The following RNF224 variants were observed in gnomAD, a reference collection of about 807,000 sequenced individuals.
RNF224 encodes the protein ring finger protein 224.
Under a neutral mutation model 2.9 loss-of-function variants are expected in RNF224, and 1 was observed. That is an observed-to-expected ratio of 0.35 (90% CI 0.12 to 1.66). The LOEUF is 1.66. Among genes scored for constraint, RNF224 ranks in the 40% most tolerant of loss-of-function variants. The pLI is 0.35. For synonymous variants in RNF224, 116 were observed against 97.6 expected (o/e 1.19, Z -1.11); for missense variants, 254 against 221.8 (o/e 1.15, Z -0.92).
chr9:137,228,957 C>G lies in RNF224; in HGVS notation c.342C>G (p.Ser114Arg). The G allele has an allele frequency of 6.5e-7, 1 of 1,535,716 alleles. No individual in the cohort carries two copies. The highest frequency in any genetic ancestry group is 2.4e-5 in the East Asian group (1 of 40,914). Residue 114 changes from serine (S) to arginine (R), a missense_variant, in exon 3 of 3, where the codon AGC becomes AGG. Transcript: ENST00000445101. ...TGCCCCTCACCTCCCTCAAAGGCAG[C>G]GCCATCACTCGGCAGCCAGCTGGGC... ...EPLPLTSLKG[S>R]AITRQPAGLC...
At position 137,228,609 on chromosome 9, in the gene RNF224, T is replaced by C. The variant is rs1489971862; in HGVS notation, c.7-13T>C. 15 of 1,433,200 alleles carry C rather than the reference T, an allele frequency of 1.0e-5. No individual in the cohort carries two copies. Among genetic ancestry groups the C allele is most frequent in the African/African-American group, 7.2e-5 (5 of 69,678 alleles). The allele number at this position is 1,433,200 out of a possible 1,614,324, so 88.8% of individuals were successfully genotyped here. ...TCGAGGCAGGCTGTCCACCGCTGGCTTCCCTCTGGCAGGATGCTGCAGCCG... is the reference window on the plus strand; with the variant it reads ...TCGAGGCAGGCTGTCCACCGCTGGCCTCCCTCTGGCAGGATGCTGCAGCCG... On this transcript the variant is annotated splice_polypyrimidine_tract_variant and intron_variant, in intron 2 of 2. Transcript: ENST00000445101.
chr9:137,228,503 G>A (rs948104297), intron 2 of RNF224, 119 bp from the exon 3 acceptor site: 16 of 1,081,664 alleles, frequency 1.5e-5, no homozygotes, highest in Middle Eastern at 2.8e-4. Flanking sequence ...TCCCAGGTCT[G>A]CACGCACCAC....
Position 137,228,999 on chromosome 9 carries a change from A to ACCCCAGCCCCACTTC in RNF224, c.394_408dup (p.His132_Pro136dup). On this transcript the variant is annotated inframe_insertion, in exon 3 of 3. Transcript: ENST00000445101. Reference sequence around the variant, plus strand: ...CAGCTGGGCTGTGCCCTGCCCTGGGACCCCAGCCCCACTTCCCCCAGCCCA... The same window carrying ACCCCAGCCCCACTTC: ...CAGCTGGGCTGTGCCCTGCCCTGGGACCCCAGCCCCACTTCCCCCAGCCCCACTTCCCCCAGCCCA... The ACCCCAGCCCCACTTC allele has an allele frequency of 6.5e-7, 1 of 1,535,090 alleles. No homozygotes were observed. Among genetic ancestry groups the ACCCCAGCCCCACTTC allele is most frequent in the Non-Finnish European group, 8.7e-7 (1 of 1,146,468 alleles).
rs1190236365 is a variant in RNF224 at position 137,228,305 on chromosome 9, C to T, written c.-31C>T. 4.6e-5 allele frequency: 71 copies of T among 1,528,448 alleles called. No individual in the cohort carries two copies. Among genetic ancestry groups the T allele is most frequent in the Middle Eastern group, 1.7e-4 (1 of 5,986 alleles). 94.7% of individuals were successfully genotyped at this position (1,528,448 alleles called of 1,614,324 possible). A position where few individuals can be genotyped will look rare whatever the true frequency, so the allele number is the denominator to read the frequency against. On this transcript the variant is annotated 5_prime_UTR_variant, in exon 2 of 3. Coordinates refer to ENST00000445101, the MANE Select transcript of RNF224 (RefSeq NM_001190228.2). ...CCCCCACTCCCTTCTCCGGCCACCC[C>T]GTGGCTGTGCATAGCTGCCCAGCAG...
chr9:137,228,023 A>T, intron 1 of RNF224, 129 bp from the exon 2 acceptor site: 1 of 397,734 alleles, frequency 2.5e-6, no homozygotes, highest in Non-Finnish European at 4.5e-6. Flanking sequence ...GAGAAGCCCT[A>T]AGAGTGGGGA....
Position 137,228,193 on chromosome 9 carries a change from C to A in RNF224, c.-143C>A. 1.4e-6 allele frequency: 1 copy of A among 736,644 alleles called. No individual in the cohort carries two copies. Among genetic ancestry groups the A allele is most frequent in the Non-Finnish European group, 2.2e-6 (1 of 458,116 alleles). The allele number at this position is 736,644 out of a possible 1,614,324, so 45.6% of individuals were successfully genotyped here. On this transcript the variant is annotated 5_prime_UTR_variant, in exon 2 of 3. Coordinates refer to ENST00000445101, the MANE Select transcript of RNF224 (RefSeq NM_001190228.2). ...TTGTGGCTGAAACGGGAGCCCACGC[C>A]CGCCACAGCTGGCCACCTGCCTCTC...
Position 137,229,020 on chromosome 9 carries a change from G to A in RNF224, c.405G>A (p.Gln135=), listed in dbSNP as rs1256110146. ...PALGPQPHFP[Q]PRYCCWGCGS... ...TGGGACCCCAGCCCCACTTCCCCCA[G>A]CCCAGATACTGCTGCTGGGGCTGTG... The change falls in exon 3 of 3, where the codon CAG becomes CAA. Residue 135 remains glutamine (Q), a synonymous_variant. Coordinates refer to ENST00000445101, the MANE Select transcript of RNF224 (RefSeq NM_001190228.2). 5 of 1,535,306 alleles carry A rather than the reference G, an allele frequency of 3.3e-6. No individual in the cohort carries two copies. Among genetic ancestry groups the A allele is most frequent in the East Asian group, 2.4e-5 (1 of 40,926 alleles).
At chr9:137,227,981 GT>G in intron 1 of RNF224, 120 bp downstream of exon 1, 1 of 285,432 alleles carries the variant, frequency 3.5e-6, no homozygotes, top group East Asian at 7.1e-5. Context: ...GGTGAGGGAG[GT>G]TTTGAGTGTG....
At chr9:137,228,363 C>T (rs1021397928) in intron 2 of RNF224, 22 bp downstream of exon 2, 43 of 1,463,150 alleles carry the variant, frequency 2.9e-5, no homozygotes, top group African/African-American at 1.9e-4. Flanking sequence ...GGGCTCAGGT[C>T]GGCCAGGAGG....
rs1353264125 is a variant in RNF224 at position 137,228,232 on chromosome 9, G to A, written c.-104G>A. The A allele has an allele frequency of 5.9e-6, 7 of 1,186,956 alleles. No individual in the cohort carries two copies. Among genetic ancestry groups the A allele is most frequent in the African/African-American group, 4.6e-5 (3 of 64,906 alleles). 73.5% of individuals were successfully genotyped at this position (1,186,956 alleles called of 1,614,324 possible). A position where few individuals can be genotyped will look rare whatever the true frequency, so the allele number is the denominator to read the frequency against. ...CACCTGCCTCTCTCCTGACTCCCGT[G>A]CAAGGCCAGTAATGCAACCCAGGAG... On this transcript the variant is annotated 5_prime_UTR_variant, in exon 2 of 3. Transcript: ENST00000445101.
Position 137,228,229 on chromosome 9 carries a change from C to G in RNF224, c.-107C>G. ...GGCCACCTGCCTCTCTCCTGACTCC[C>G]GTGCAAGGCCAGTAATGCAACCCAG... On this transcript the variant is annotated 5_prime_UTR_variant, in exon 2 of 3. Coordinates refer to ENST00000445101, the MANE Select transcript of RNF224 (RefSeq NM_001190228.2). The G allele has an allele frequency of 1.8e-6, 2 of 1,140,130 alleles. No homozygotes were observed. Among genetic ancestry groups the G allele is most frequent in the East Asian group, 5.4e-5 (2 of 36,946 alleles). 70.6% of individuals were successfully genotyped at this position (1,140,130 alleles called of 1,614,324 possible).
rs1025933143 is a variant in RNF224 at position 137,228,358 on chromosome 9, C to G, written c.6+17C>G. On this transcript the variant is annotated intron_variant, in intron 2 of 2. Transcript: ENST00000445101. ...CCCATGCAGGTAAGAGGCCTGGGCT[C>G]AGGTCGGCCAGGAGGGTGGGGGCCT... The G allele has an allele frequency of 8.8e-6, 13 of 1,469,626 alleles. No homozygotes were observed. The Admixed American group carries it at 1.9e-4, about 22-fold the overall frequency. The allele number at this position is 1,469,626 out of a possible 1,614,324, so 91.0% of individuals were successfully genotyped here. A position where few individuals can be genotyped will look rare whatever the true frequency, so the allele number is the denominator to read the frequency against.
chr9:137,229,064 C>A lies in RNF224; in HGVS notation c.449C>A (p.Pro150His), dbSNP rs116391417. Reference protein sequence around the residue: ...CWGCGSLCCPPLGSPEV With the variant: ...CWGCGSLCCPHLGSPEV The stretch of plus-strand genomic sequence containing the variant: ...GGCTGTGGCAGCCTCTGCTGCCCAC[C>A]CCTAGGCAGCCCCGAGGTCTGAACT... Residue 150 changes from proline (P) to histidine (H), a missense_variant, in exon 3 of 3, where the codon CCC becomes CAC. Coordinates refer to ENST00000445101, the MANE Select transcript of RNF224 (RefSeq NM_001190228.2). 4.4e-4 allele frequency: 665 copies of A among 1,527,980 alleles called. 6 individuals carry two copies. The African/African-American group carries it at 8.5e-3, about 20-fold the overall frequency. The allele number at this position is 1,527,980 out of a possible 1,614,324, so 94.7% of individuals were successfully genotyped here. A position where few individuals can be genotyped will look rare whatever the true frequency, so the allele number is the denominator to read the frequency against.
rs1053915274 is a variant in RNF224, at chr9:137,228,132, C to T, written c.-184-20C>T. 2 of 567,948 alleles carry T rather than the reference C, an allele frequency of 3.5e-6. No individual in the cohort carries two copies. The highest frequency in any genetic ancestry group is 6.2e-6 in the Non-Finnish European group (2 of 320,166). 35.2% of individuals were successfully genotyped at this position (567,948 alleles called of 1,614,324 possible). Reference sequence around the variant, plus strand: ...GGGGCGGGGGGCACCTTATCTCTTGCAAGTGGGTGGTGCCGTTAGATCTAG... The same window carrying T: ...GGGGCGGGGGGCACCTTATCTCTTGTAAGTGGGTGGTGCCGTTAGATCTAG... On this transcript the variant is annotated intron_variant, in intron 1 of 2. Transcript: ENST00000445101.
At position 137,228,779 on chromosome 9, in the gene RNF224, T is replaced by C; in HGVS notation, c.164T>C (p.Leu55Pro). 6.5e-7 allele frequency: 1 copy of C among 1,533,236 alleles called. No individual in the cohort carries two copies. Among genetic ancestry groups the C allele is most frequent in the East Asian group, 2.5e-5 (1 of 40,808 alleles). 95.0% of individuals were successfully genotyped at this position (1,533,236 alleles called of 1,614,324 possible). A position where few individuals can be genotyped will look rare whatever the true frequency, so the allele number is the denominator to read the frequency against. Residue 55 changes from leucine (L) to proline (P), a missense_variant, in exon 3 of 3, where the codon CTG becomes CCG. By Grantham distance (98) the Leu-to-Pro change is moderately conservative. Transcript: ENST00000445101. The stretch of plus-strand genomic sequence containing the variant: ...TTCTGCCAGGCGTGTGTGCGGCGGC[T>C]GGACACACCGGCGCCCGAGCAGCGC... ...HTFCQACVRR[L>P]DTPAPEQRWI... is the part of the protein sequence containing the mutation.
In RNF224 at chr9:137,228,318, A is replaced by G. The variant is rs1335486491; in HGVS notation, c.-18A>G. The G allele has an allele frequency of 6.6e-7, 1 of 1,524,906 alleles. No homozygotes were observed. The highest frequency in any genetic ancestry group is 8.8e-7 in the Non-Finnish European group (1 of 1,141,992). 94.5% of individuals were successfully genotyped at this position (1,524,906 alleles called of 1,614,324 possible). A position where few individuals can be genotyped will look rare whatever the true frequency, so the allele number is the denominator to read the frequency against. The stretch of plus-strand genomic sequence containing the variant: ...CTCCGGCCACCCCGTGGCTGTGCAT[A>G]GCTGCCCAGCAGAGCCCATGCAGGT... On this transcript the variant is annotated 5_prime_UTR_variant, in exon 2 of 3. It adds an upstream start codon to the 5' untranslated region. Coordinates refer to ENST00000445101, the MANE Select transcript of RNF224 (RefSeq NM_001190228.2).
At chr9:137,228,035 A>C in intron 1 of RNF224, 117 bp from the exon 2 acceptor site, 6 of 404,968 alleles carry the variant, frequency 1.5e-5, no homozygotes, top group Non-Finnish European at 2.2e-5. Flanking sequence ...GAGTGGGGAA[A>C]TGGACCCCAA....
chr9:137,228,903 T>G lies in RNF224; in HGVS notation c.288T>G (p.Ala96=). 6.5e-7 allele frequency: 1 copy of G among 1,535,730 alleles called. No individual in the cohort carries two copies. Among genetic ancestry groups the G allele is most frequent in the Non-Finnish European group, 8.7e-7 (1 of 1,146,812 alleles). The change falls in exon 3 of 3, where the codon GCT becomes GCG. Residue 96 remains alanine (A), a synonymous_variant. Transcript: ENST00000445101. ...TGGCTGCTTTCCTGGCGGTCAAGGCTGAGCGGGAGCCGGCAAGACTAGAAC... is the reference window on the plus strand; with the variant it reads ...TGGCTGCTTTCCTGGCGGTCAAGGCGGAGCGGGAGCCGGCAAGACTAGAAC... ...LDLAAFLAVK[A]EREPARLEPL... is the part of the protein sequence containing the mutation.
chr9:137,228,815 G>C lies in RNF224; in HGVS notation c.200G>C (p.Cys67Ser). The C allele has an allele frequency of 6.5e-7, 1 of 1,529,322 alleles. No homozygotes were observed. The highest frequency in any genetic ancestry group is 2.4e-5 in the East Asian group (1 of 40,902). The allele number at this position is 1,529,322 out of a possible 1,614,324, so 94.7% of individuals were successfully genotyped here. The change falls in exon 3 of 3, where the codon TGT becomes TCT. Residue 67 changes from cysteine (C) to serine (S), a missense_variant. Transcript: ENST00000445101. ...TPAPEQRWIP[C>S]PQCRQSTPTP... ...GCGCCCGAGCAGCGCTGGATCCCCT[G>C]TCCGCAGTGCCGTCAGAGCACGCCC... is the stretch of plus-strand genomic sequence containing the variant.
Sources: allele counts gnomAD v4.1 joint callset, GRCh38; gene constraint gnomAD v4.1.1; transcripts MANE v1.5; gene names NCBI Gene and HGNC (gene_info 2026-07-23, HGNC 2026-07-21).